CDH18: variants seen among roughly 807,000 people sequenced by gnomAD.
CDH18 encodes cadherin-18.
A neutral mutation model predicts 67.9 loss-of-function variants in CDH18; 31 were observed. That is an observed-to-expected ratio of 0.46 (90% CI 0.34 to 0.62). The LOEUF (loss-of-function observed/expected upper bound fraction) is 0.62. CDH18 is among the 20% of genes least tolerant of loss of function. The probability of loss-of-function intolerance (pLI) is 0.01; values close to 1 mark genes in which losing one functional copy is unlikely to be tolerated. For missense variants in CDH18, 890 were observed against 975.5 expected, an observed-to-expected ratio of 0.91 and a Z score of 1.17; for synonymous variants, 362 against 347.2, an observed-to-expected ratio of 1.04 and a Z score of -0.48.
rs796167352 is a variant in CDH18, at chr5:20,271,936, G to GAGAGAGAGAC, written c.-579-16432_-579-16431insGTCTCTCTCT. ...TGCTGTAGAGAGGCAGAGAGAGAGA[G>GAGAGAGAGAC]AGAGAGAGAGAGAGATGTGAATTTA... On this transcript the variant is annotated intron_variant, in intron 1 of 14. Coordinates refer to the CDH18 transcript ENST00000507958. 1.6e-3 allele frequency among the ~76,000 whole-genome samples: 238 copies of GAGAGAGAGAC among 151,556 alleles called. 1 individual carries two copies. The highest frequency in any genetic ancestry group is 5.5e-3 in the African/African-American group (225 of 41,172).
At chr5:19,704,586 G>C (rs116102443) in intron 5 of CDH18, among the ~76,000 whole-genome samples, 1 of 152,026 alleles carries the variant, frequency 6.6e-6, no homozygotes, top group African/African-American at 2.4e-5. Flanking sequence ...CAAAGTTCCC[G>C]CCAAAGTTTA....
At position 19,549,413 on chromosome 5, in the gene CDH18, A is replaced by T. The variant is rs559865754; in HGVS notation, c.1254-5408T>A. Among the ~76,000 whole-genome samples the T allele has an allele frequency of 1.4e-4, 21 of 152,314 alleles. No homozygotes were observed. In the South Asian group the frequency reaches 2.3e-3, roughly 17 times the overall value. On this transcript the variant is annotated intron_variant, in intron 8 of 12. Coordinates refer to ENST00000382275, the MANE Select transcript of CDH18 (RefSeq NM_004934.5). The stretch of plus-strand genomic sequence containing the variant: ...CCATGCTTCCTGCACACTCTGCAGA[A>T]TCATGAGCCAATTAACCTCTTTTCT...
At chr5:19,520,530 A>T (rs1746725635) in intron 10 of CDH18, 127 bp downstream of exon 10, 1 of 767,824 alleles carries the variant, frequency 1.3e-6, no homozygotes, top group Non-Finnish European at 1.9e-6. Flanking sequence ...ATAAAGCTTT[A>T]TGAAATTATT....
intron 2 of CDH18, among the ~76,000 whole-genome samples, chr5:20,189,203 G>T (rs1478458525): frequency 6.6e-6 from 1 of 151,876 alleles, no homozygotes; most frequent in Non-Finnish European, 1.5e-5. Flanking sequence ...GATCATTGGA[G>T]CTTAATGATA....
intron 10 of CDH18, among the ~76,000 whole-genome samples, chr5:19,516,190 G>C (rs1745966737): frequency 6.6e-6 from 1 of 152,098 alleles, no homozygotes; most frequent in South Asian, 2.1e-4. Context: ...TGCATCCCAG[G>C]GATGAAGCTA....
At chr5:20,069,622 C>T (rs1048362994) in intron 2 of CDH18, among the ~76,000 whole-genome samples, 1 of 151,780 alleles carries the variant, frequency 6.6e-6, no homozygotes, top group African/African-American at 2.4e-5. Flanking sequence ...CATGTTGGCC[C>T]GGATGGTCTT....
chr5:20,461,934 A>G (rs1350388066), intron 1 of CDH18, among the ~76,000 whole-genome samples: 2 of 152,160 alleles, frequency 1.3e-5, no homozygotes, highest in Non-Finnish European at 2.9e-5. Flanking sequence ...GTAAATTAGG[A>G]AAGCCACTAT....
At chr5:19,561,915 G>A (rs1434850535) in intron 8 of CDH18, among the ~76,000 whole-genome samples, 3 of 152,078 alleles carry the variant, frequency 2.0e-5, no homozygotes, top group Admixed American at 6.6e-5. Context: ...CAATCTCAGT[G>A]TTCTAATATC....
At chr5:19,986,797 C>A (rs1001997378) in intron 1 of CDH18, among the ~76,000 whole-genome samples, 2 of 152,138 alleles carry the variant, frequency 1.3e-5, no homozygotes, top group East Asian at 3.9e-4. Context: ...AAGATCTAGG[C>A]TGGACCTCAA....
chr5:20,031,139 G>A (rs1357310949), intron 2 of CDH18, among the ~76,000 whole-genome samples: 2 of 152,042 alleles, frequency 1.3e-5, no homozygotes, highest in Non-Finnish European at 2.9e-5. Flanking sequence ...GAAAGTTATA[G>A]ATAAAATAGT....
At chr5:19,743,679 G>C (rs955235851) in intron 4 of CDH18, among the ~76,000 whole-genome samples, 1 of 152,088 alleles carries the variant, frequency 6.6e-6, no homozygotes, top group African/African-American at 2.4e-5. Flanking sequence ...CCAGCACTTT[G>C]GGAGACCCAG....
intron 2 of CDH18, among the ~76,000 whole-genome samples, chr5:19,898,559 T>A (rs560049082): frequency 3.5e-4 from 54 of 152,160 alleles, no homozygotes; most frequent in Non-Finnish European, 6.0e-4. Context: ...AAAAAGGGTA[T>A]GTCCATGTAA....
At chr5:20,132,368 T>C (rs1295140491) in intron 2 of CDH18, among the ~76,000 whole-genome samples, 2 of 152,190 alleles carry the variant, frequency 1.3e-5, no homozygotes, top group Admixed American at 6.5e-5. Context: ...ACAGTTCCTA[T>C]ATTTATCAGT....
chr5:19,491,412 C>T (rs556360912), intron 11 of CDH18, among the ~76,000 whole-genome samples: 2 of 152,298 alleles, frequency 1.3e-5, no homozygotes, highest in South Asian at 4.1e-4. Flanking sequence ...TATTACAACA[C>T]CAGCTGTGAG....
At chr5:19,846,793 A>G (rs1783016701) in intron 2 of CDH18, among the ~76,000 whole-genome samples, 1 of 152,106 alleles carries the variant, frequency 6.6e-6, no homozygotes, top group African/African-American at 2.4e-5. Context: ...TCCTTTTGGA[A>G]TCTTTTGTAA....
chr5:20,240,341 G>GT (rs1309747194), intron 2 of CDH18, among the ~76,000 whole-genome samples: 1 of 152,028 alleles, frequency 6.6e-6, no homozygotes, highest in Non-Finnish European at 1.5e-5. Context: ...GATTCATACT[G>GT]TAAGTATCAA....
chr5:19,716,382 G>C (rs1394302423), intron 5 of CDH18, among the ~76,000 whole-genome samples: 1 of 151,810 alleles, frequency 6.6e-6, no homozygotes, highest in African/African-American at 2.4e-5. Context: ...TATAATTTAC[G>C]CTATATTTAT....
intron 2 of CDH18, among the ~76,000 whole-genome samples, chr5:20,172,999 AAAAAGAAAG>A (rs1222675225): frequency 1.3e-5 from 2 of 151,974 alleles, no homozygotes; most frequent in African/African-American, 2.4e-5. Context: ...TCAAAAAAAA[AAAAAGAAAG>A]AAAGAAAGAA....
intron 2 of CDH18, among the ~76,000 whole-genome samples, chr5:19,845,501 T>A (rs1219144768): frequency 6.6e-6 from 1 of 152,152 alleles, no homozygotes; most frequent in Non-Finnish European, 1.5e-5. Context: ...TTGGGTGTAA[T>A]GTTCCATATA....
Sources: gnomAD v4.1 joint callset for allele counts (sites outside exome capture counted in the v4.1 genomes callset) on GRCh38, gnomAD v4.1.1 for gene constraint, MANE v1.5 for transcripts, NCBI Gene and HGNC (gene_info 2026-07-23, HGNC 2026-07-21) for gene names.